Variants in OXR1 observed in about 807,000 individuals in gnomAD.
OXR1 encodes oxidation resistance protein 1.
Under a neutral mutation model 104.6 loss-of-function variants are expected in OXR1, and 41 were observed. The ratio of observed to expected loss-of-function variants is 0.39; its 90% CI spans 0.31 to 0.51. OXR1 has a LOEUF of 0.51. Among genes scored for constraint, OXR1 ranks in the 20% least tolerant of loss-of-function variants. OXR1 has a pLI of 0.77. For missense variants in OXR1, 955 were observed against 1,031.9 expected (o/e 0.93, Z 1.02); for synonymous variants, 348 against 348.4 (o/e 1.00, Z 0.01).
chr8:106,485,592 C>T (rs1810596062), intron 2 of OXR1, among the ~76,000 whole-genome samples: 1 of 152,182 alleles, frequency 6.6e-6, no homozygotes, highest in South Asian at 2.1e-4. Flanking sequence ...ATGTTACTTA[C>T]CATATGGTCC....
intron 2 of OXR1, among the ~76,000 whole-genome samples, chr8:106,434,192 T>A (rs1196090019): frequency 6.6e-6 from 1 of 152,166 alleles, no homozygotes; most frequent in Non-Finnish European, 1.5e-5. Context: ...TTTGTTCTGG[T>A]GTTATATGCA....
chr8:106,720,735 T>TA, intron 11 of OXR1: 1 of 964,608 alleles, frequency 1.0e-6, no homozygotes, highest in Non-Finnish European at 1.2e-6. Flanking sequence ...TCAAAAAACA[T>TA]ACCAGGCTGT....
At chr8:106,289,063 C>A (rs1311571018) in intron 1 of OXR1, among the ~76,000 whole-genome samples, 1 of 152,080 alleles carries the variant, frequency 6.6e-6, no homozygotes, top group African/African-American at 2.4e-5. Context: ...TCACAGCCAG[C>A]ATCATACTGA....
chr8:106,681,943 T>G (rs985512032), intron 4 of OXR1, among the ~76,000 whole-genome samples: 3 of 152,178 alleles, frequency 2.0e-5, no homozygotes, highest in African/African-American at 7.2e-5. Context: ...ATCCCACAAA[T>G]ATGTTATGCT....
chr8:106,523,542 A>C (rs955412783), intron 3 of OXR1, among the ~76,000 whole-genome samples: 4 of 152,180 alleles, frequency 2.6e-5, no homozygotes, highest in African/African-American at 9.6e-5. Context: ...AATAGAATAC[A>C]ATATTCTATT....
chr8:106,467,186 C>T (rs994659924), intron 2 of OXR1, among the ~76,000 whole-genome samples: 1 of 151,892 alleles, frequency 6.6e-6, no homozygotes, highest in Non-Finnish European at 1.5e-5. Context: ...AGGTCACCAG[C>T]TGAAATCCAC....
At chr8:106,523,080 C>T (rs1297723789) in intron 3 of OXR1, among the ~76,000 whole-genome samples, 1 of 152,204 alleles carries the variant, frequency 6.6e-6, no homozygotes, top group Non-Finnish European at 1.5e-5. Flanking sequence ...GCTACCCGTT[C>T]CTTGCTTGCT....
At chr8:106,628,844 T>G (rs1245344858) in intron 3 of OXR1, among the ~76,000 whole-genome samples, 1 of 152,186 alleles carries the variant, frequency 6.6e-6, no homozygotes, top group Non-Finnish European at 1.5e-5. Flanking sequence ...AGCATCTTGA[T>G]GTTCAGCATT....
chr8:106,630,394 G>C (rs994064879), intron 3 of OXR1, among the ~76,000 whole-genome samples: 3 of 152,202 alleles, frequency 2.0e-5, no homozygotes, highest in African/African-American at 7.2e-5. Flanking sequence ...TGGGGCACAG[G>C]AATGGTAAAG....
intron 11 of OXR1, among the ~76,000 whole-genome samples, chr8:106,717,046 C>T (rs113638580): frequency 1.4e-4 from 21 of 152,092 alleles, no homozygotes; most frequent in African/African-American, 3.9e-4. Context: ...ATTAGCTGGA[C>T]GTGGTAGCAC....
rs77205621 is a variant in OXR1 at position 106,489,056 on chromosome 8, G to A, written c.24-29887G>A. ...CGATATTGATTCTTCCTACCCATGAGCATGGAATGTTCTTCCATTTCTTTG... is the reference window on the plus strand; with the variant it reads ...CGATATTGATTCTTCCTACCCATGAACATGGAATGTTCTTCCATTTCTTTG... On this transcript the variant is annotated intron_variant, in intron 2 of 16. Coordinates refer to ENST00000517566, the MANE Select transcript of OXR1 (RefSeq NM_001198533.2). 4.4e-4 allele frequency among the ~76,000 whole-genome samples: 66 copies of A among 149,470 alleles called. No homozygotes were observed. The East Asian group carries it at 0.013, about 29-fold the overall frequency.
At chr8:106,652,716 C>T (rs576301343) in intron 3 of OXR1, among the ~76,000 whole-genome samples, 13 of 79,348 alleles carry the variant, frequency 1.6e-4, no homozygotes, top group Admixed American at 6.4e-4. Context: ...TGGGGGGCGG[C>T]GGGGGGAAAT....
At position 106,659,455 on chromosome 8, in the gene OXR1, G is replaced by A. The variant is rs1267958807; in HGVS notation, c.221-19755G>A. Among the ~76,000 whole-genome samples the A allele has an allele frequency of 2.0e-5, 3 of 152,180 alleles. No individual in the cohort carries two copies. In the East Asian group the frequency reaches 5.8e-4, roughly 29 times the overall value. On this transcript the variant is annotated intron_variant, in intron 3 of 16. Transcript: ENST00000517566. ...GAATTAGGAAATGAAAAGGGGAGGGGAATACTTTTGTTTCTGCTCTGAAGG... is the reference window on the plus strand; with the variant it reads ...GAATTAGGAAATGAAAAGGGGAGGGAAATACTTTTGTTTCTGCTCTGAAGG...
Position 106,378,500 on chromosome 8 carries a change from T to TTTG in OXR1, c.23+18885_23+18887dup, listed in dbSNP as rs371137128. The stretch of plus-strand genomic sequence containing the variant: ...TAATCTCATTCGCTGACATCTGACT[T>TTTG]TTGTTGTTGTTGTTGTTGTTGTTTT... On this transcript the variant is annotated intron_variant, in intron 2 of 16. Transcript: ENST00000517566. Among the ~76,000 whole-genome samples the TTTG allele has an allele frequency of 3.7e-4, 57 of 152,168 alleles. No individual in the cohort carries two copies. In the South Asian group the frequency reaches 6.2e-3, roughly 17 times the overall value.
intron 3 of OXR1, among the ~76,000 whole-genome samples, chr8:106,534,104 G>A (rs1034900131): frequency 3.9e-5 from 6 of 152,058 alleles, no homozygotes; most frequent in East Asian, 3.9e-4. Context: ...TAATGTGCAC[G>A]GGGGATCTTA....
chr8:106,594,094 A>T (rs542769799), intron 3 of OXR1, among the ~76,000 whole-genome samples: 3 of 152,358 alleles, frequency 2.0e-5, no homozygotes, highest in African/African-American at 7.2e-5. Flanking sequence ...AACCTTGAGG[A>T]CTTTTGTTAA....
chr8:106,490,339 G>A (rs1374782959), intron 2 of OXR1, among the ~76,000 whole-genome samples: 2 of 150,170 alleles, frequency 1.3e-5, no homozygotes, highest in East Asian at 1.9e-4. Flanking sequence ...AGGAGGATGC[G>A]GTATTTGATT....
chr8:106,607,521 C>T (rs1450947448), intron 3 of OXR1, among the ~76,000 whole-genome samples: 2 of 152,240 alleles, frequency 1.3e-5, no homozygotes, highest in Admixed American at 6.5e-5. Flanking sequence ...GGCAAAGCCT[C>T]AGAACCATCT....
intron 1 of OXR1, among the ~76,000 whole-genome samples, chr8:106,328,625 C>T (rs1216042334): frequency 6.6e-6 from 1 of 152,140 alleles, no homozygotes; most frequent in Non-Finnish European, 1.5e-5. Flanking sequence ...TGCCTGCTTT[C>T]TGAGATTCAG....
Sources: gnomAD v4.1 joint callset for allele counts (sites outside exome capture counted in the v4.1 genomes callset) on GRCh38, gnomAD v4.1.1 for gene constraint, MANE v1.5 for transcripts, NCBI Gene and HGNC (gene_info 2026-07-23, HGNC 2026-07-21) for gene names.